RIMS2: variants seen among roughly 807,000 people sequenced by gnomAD.
RIMS2 encodes regulating synaptic membrane exocytosis protein 2.
RIMS2 carries 59 observed loss-of-function variants against 174.4 expected under a neutral mutation model. The ratio of observed to expected loss-of-function variants is 0.34; its 90% confidence interval spans 0.27 to 0.42. The LOEUF (loss-of-function observed/expected upper bound fraction) is 0.42. RIMS2 is among the 10% of genes least tolerant of loss of function. The pLI is 1.00. For synonymous variants in RIMS2, 606 were observed against 572.5 expected, an observed-to-expected ratio of 1.06 and a Z score of -0.84; for missense variants, 1,620 against 1,666.3, an observed-to-expected ratio of 0.97 and a Z score of 0.48.
chr8:103,775,694 A>C (rs2098307926), intron 3 of RIMS2, among the ~76,000 whole-genome samples: 1 of 152,130 alleles, frequency 6.6e-6, no homozygotes, highest in Admixed American at 6.6e-5. Context: ...ACAAATAATG[A>C]TCTGTTCTTA....
At chr8:103,815,996 G>A (rs2098715823) in intron 3 of RIMS2, among the ~76,000 whole-genome samples, 1 of 152,146 alleles carries the variant, frequency 6.6e-6, no homozygotes, top group African/African-American at 2.4e-5. Context: ...CTTAAAACCA[G>A]GCTGCCCGAT....
intron 21 of RIMS2, 102 bp from the exon 28 acceptor site, chr8:104,249,385 A>T: frequency 1.7e-6 from 1 of 576,966 alleles, no homozygotes. Context: ...TTAAGAAAAT[A>T]TATGGGAAAT....
chr8:103,993,672 A>G (rs1374034214), intron 17 of RIMS2, among the ~76,000 whole-genome samples: 1 of 152,166 alleles, frequency 6.6e-6, no homozygotes, highest in African/African-American at 2.4e-5. Context: ...AAACATTTTA[A>G]GACAGTTAAA....
intron 3 of RIMS2, among the ~76,000 whole-genome samples, chr8:103,775,783 G>A (rs1345203779): frequency 6.6e-6 from 1 of 152,048 alleles, no homozygotes; most frequent in Non-Finnish European, 1.5e-5. Context: ...TCTTAAAAAA[G>A]ATGTTTAACA....
intron 15 of RIMS2, among the ~76,000 whole-genome samples, chr8:103,970,119 T>C (rs1250717179): frequency 6.6e-6 from 1 of 152,178 alleles, no homozygotes; most frequent in Non-Finnish European, 1.5e-5. Context: ...AAGAAATTGC[T>C]GTAAATAGGC....
intron 19 of RIMS2, among the ~76,000 whole-genome samples, chr8:104,220,962 C>G (rs1159333566): frequency 6.6e-6 from 1 of 152,074 alleles, no homozygotes; most frequent in Non-Finnish European, 1.5e-5. Context: ...TGATACCTTC[C>G]CCCGATCTTA....
At chr8:103,840,958 A>G (rs1038499292) in intron 3 of RIMS2, among the ~76,000 whole-genome samples, 2 of 152,184 alleles carry the variant, frequency 1.3e-5, no homozygotes, top group Non-Finnish European at 2.9e-5. Flanking sequence ...AACAATGTAT[A>G]AAAGCTTCCT....
intron 3 of RIMS2, among the ~76,000 whole-genome samples, chr8:103,883,363 A>G (rs892985108): frequency 6.6e-6 from 1 of 151,750 alleles, no homozygotes; most frequent in African/African-American, 2.4e-5. Context: ...CTATCATGCT[A>G]GAGTTTTTTT....
At chr8:104,123,349 T>C (rs142587939) in intron 19 of RIMS2, among the ~76,000 whole-genome samples, 2 of 152,102 alleles carry the variant, frequency 1.3e-5, no homozygotes, top group East Asian at 3.9e-4. Flanking sequence ...AGAAAAATCA[T>C]CTATATCTTT....
At chr8:104,055,011 G>C (rs2154559350) in intron 19 of RIMS2, among the ~76,000 whole-genome samples, 1 of 152,158 alleles carries the variant, frequency 6.6e-6, no homozygotes, top group Admixed American at 6.5e-5. Flanking sequence ...TTTTGAAGGA[G>C]GAGAAAAGTG....
chr8:103,549,867 A>G (rs1322651181), intron 1 of RIMS2, among the ~76,000 whole-genome samples: 1 of 152,202 alleles, frequency 6.6e-6, no homozygotes, highest in Non-Finnish European at 1.5e-5. Flanking sequence ...ATCAAAAGAG[A>G]CAAAGAAGGC....
At chr8:103,797,107 T>C (rs2098555239) in intron 3 of RIMS2, among the ~76,000 whole-genome samples, 1 of 152,168 alleles carries the variant, frequency 6.6e-6, no homozygotes, top group Non-Finnish European at 1.5e-5. Context: ...AAGAGCACTC[T>C]AGGCAGAGAA....
At chr8:104,094,069 TGC>T (rs2097711113) in intron 19 of RIMS2, among the ~76,000 whole-genome samples, 1 of 152,000 alleles carries the variant, frequency 6.6e-6, no homozygotes, top group Admixed American at 6.6e-5. Flanking sequence ...TTTTTATATA[TGC>T]ATAGAAAAAG....
chr8:103,821,908 G>A (rs958635209), intron 3 of RIMS2, among the ~76,000 whole-genome samples: 1 of 151,410 alleles, frequency 6.6e-6, no homozygotes, highest in African/African-American at 2.4e-5. Context: ...CTGAATAATG[G>A]ACCTTTCAAT....
chr8:104,109,747 C>T (rs555276349), intron 19 of RIMS2, among the ~76,000 whole-genome samples: 1 of 152,138 alleles, frequency 6.6e-6, no homozygotes, highest in East Asian at 1.9e-4. Flanking sequence ...GCATTTCATA[C>T]AAGATAAAAT....
At chr8:104,249,700 T>C in intron 22 of RIMS2, 112 bp downstream of exon 28, 1 of 638,172 alleles carries the variant, frequency 1.6e-6, no homozygotes, top group Non-Finnish European at 2.8e-6. Context: ...TACTAATGGA[T>C]GGTCCATTAT....
At chr8:103,692,175 G>A (rs1467895962) in intron 1 of RIMS2, among the ~76,000 whole-genome samples, 1 of 152,128 alleles carries the variant, frequency 6.6e-6, no homozygotes, top group East Asian at 1.9e-4. Flanking sequence ...CCAGCCTTGT[G>A]CCTCACCGAA....
chr8:104,149,667 C>A (rs2134019566), intron 19 of RIMS2, among the ~76,000 whole-genome samples: 1 of 152,138 alleles, frequency 6.6e-6, no homozygotes. Flanking sequence ...TCTTTTATAG[C>A]AAAATAAATT....
At chr8:103,533,905 A>G (rs996844120) in intron 1 of RIMS2, among the ~76,000 whole-genome samples, 1 of 152,194 alleles carries the variant, frequency 6.6e-6, no homozygotes, top group African/African-American at 2.4e-5. Context: ...AGATGTAACC[A>G]TCATGACTTC....
Sources: allele counts gnomAD v4.1 joint callset (sites outside exome capture counted in the v4.1 genomes callset), GRCh38; gene constraint gnomAD v4.1.1; transcripts MANE v1.5; gene names NCBI Gene and HGNC (gene_info 2026-07-23, HGNC 2026-07-21).